ODAD4: variants seen among roughly 807,000 people sequenced by gnomAD.
The protein encoded by ODAD4 is outer dynein arm docking complex subunit 4, also known as outer dynein arm-docking complex subunit 4.
ODAD4 carries 49 observed loss-of-function variants against 51.8 expected under a neutral mutation model. The observed-to-expected ratio is 0.95, with a 90% CI of 0.75 to 1.20. The LOEUF is 1.20. Among genes scored for constraint, ODAD4 ranks in the 50% most tolerant of loss-of-function variants. ODAD4 has a pLI of 0.00. For missense variants in ODAD4, 590 were observed against 586.5 expected (o/e 1.01, Z -0.06); for synonymous variants, 235 against 221.3 (o/e 1.06, Z -0.55).
In ODAD4 at chr17:41,949,147, C is replaced by A. The variant is rs907966718; in HGVS notation, c.1146-6C>A. 1.2e-3 allele frequency: 492 copies of A among 398,426 alleles called. 4 individuals carry two copies. The highest frequency in any genetic ancestry group is 9.5e-3 in the African/African-American group (461 of 48,706). The allele number at this position is 398,426 out of a possible 1,614,324, so 24.7% of individuals were successfully genotyped here. A position where few individuals can be genotyped will look rare whatever the true frequency, so the allele number is the denominator to read the frequency against. ...TGAAGCTGACTCTGGTTCTTCATGT[C>A]CCCAGGTGGGAAGAAAAGATCCCTC... On this transcript the variant is annotated splice_polypyrimidine_tract_variant and splice_region_variant and intron_variant, in intron 8 of 11. Transcript: ENST00000377540.
At chr17:41,947,417 G>A (rs973665755) in intron 8 of ODAD4, among the ~76,000 whole-genome samples, 3,652 of 151,572 alleles carry the variant, frequency 0.024, 136 homozygotes, top group African/African-American at 0.083. Context: ...CCCAGGAGGC[G>A]AAGGTTGAAG....
rs782109178 is a variant in ODAD4 at position 41,936,760 on chromosome 17, A to G, written c.460-2A>G. ...CTGTTGGGTGTTGCTCCATTTTCTC[A>G]GAATATAAAAGCCCAGCAGAAGCCT... On this transcript the variant is annotated splice_acceptor_variant, in intron 4 of 11. Coordinates refer to ENST00000377540, the MANE Select transcript of ODAD4 (RefSeq NM_031421.5). LOFTEE classifies it high-confidence loss of function. 4 of 1,613,666 alleles carry G rather than the reference A, an allele frequency of 2.5e-6. No individual in the cohort carries two copies. The highest frequency in any genetic ancestry group is 1.3e-5 in the African/African-American group (1 of 74,868).
intron 8 of ODAD4, among the ~76,000 whole-genome samples, 180 bp from the exon 9 acceptor site, chr17:41,948,973 C>T (rs2050621573): frequency 6.6e-6 from 1 of 152,096 alleles, no homozygotes; most frequent in Non-Finnish European, 1.5e-5. Flanking sequence ...ATAGGTGTTA[C>T]CAAAATAGTC....
chr17:41,953,397 C>T (rs552907115), intron 9 of ODAD4, among the ~76,000 whole-genome samples: 25 of 151,852 alleles, frequency 1.6e-4, no homozygotes, highest in African/African-American at 6.0e-4. Flanking sequence ...AACACAAGGG[C>T]TTATTTTCCC....
intron 7 of ODAD4, among the ~76,000 whole-genome samples, chr17:41,942,782 G>A (rs558190424): frequency 8.1e-4 from 124 of 152,320 alleles, no homozygotes; most frequent in Non-Finnish European, 1.3e-3. Flanking sequence ...TGCAGGCAGT[G>A]GGAGGTCTGG....
chr17:41,935,895 G>A, intron 3 of ODAD4, 146 bp downstream of exon 3: 1 of 986,158 alleles, frequency 1.0e-6, no homozygotes, highest in Non-Finnish European at 1.5e-6. Flanking sequence ...CAGTGTTGTT[G>A]AGGATTAGCC....
intron 9 of ODAD4, among the ~76,000 whole-genome samples, chr17:41,951,038 A>G (rs2050644295): frequency 1.3e-5 from 2 of 150,280 alleles, no homozygotes; most frequent in South Asian, 2.1e-4. Flanking sequence ...AGTGATGGAA[A>G]TGTTCTAAAA....
chr17:41,949,739 C>T (rs1196906668), intron 9 of ODAD4, among the ~76,000 whole-genome samples: 1 of 152,152 alleles, frequency 6.6e-6, no homozygotes, highest in Non-Finnish European at 1.5e-5. Context: ...GTGGTGCGAT[C>T]TCGGCTCATT....
At chr17:41,935,862 C>A in intron 3 of ODAD4, 113 bp downstream of exon 3, 1 of 1,271,560 alleles carries the variant, frequency 7.9e-7, no homozygotes, top group Non-Finnish European at 1.1e-6. Context: ...CGCAGGGAGT[C>A]CTACACCTGG....
chr17:41,956,066 T>TTTG (rs2050727989), intron 10 of ODAD4, among the ~76,000 whole-genome samples: 1 of 149,754 alleles, frequency 6.7e-6, no homozygotes, highest in Admixed American at 6.7e-5. Flanking sequence ...TTTTTTTTTT[T>TTTG]GAGACTGAGT....
intron 6 of ODAD4, 34 bp downstream of exon 6, chr17:41,938,815 C>T (rs536196445): frequency 9.3e-6 from 15 of 1,604,442 alleles, no homozygotes; most frequent in South Asian, 2.2e-5. Flanking sequence ...GGGCAGGTGC[C>T]TCCAGTGCCT....
chr17:41,930,812 C>G lies in ODAD4; in HGVS notation c.89C>G (p.Ser30Cys). 6.5e-7 allele frequency: 1 copy of G among 1,548,546 alleles called. No individual in the cohort carries two copies. Among genetic ancestry groups the G allele is most frequent in the South Asian group, 1.1e-5 (1 of 88,324 alleles). ...CGGCTCTACCTGTGCGGGGAATTTT[C>G]TAAAGCCGCGCAGAGCTTCAGCAAC... ...GERLYLCGEF[S>C]KAAQSFSNAL... Residue 30 changes from serine (S) to cysteine (C), a missense_variant, in exon 1 of 12, where the codon TCT (serine) becomes TGT (cysteine). Ser to Cys is a moderately radical substitution (Grantham distance 112). This residue lies in a region of ODAD4 where 360 missense variants were observed against 407.5 expected (regional missense o/e 0.88). Transcript: ENST00000377540.
intron 9 of ODAD4, among the ~76,000 whole-genome samples, chr17:41,952,936 T>C (rs559446735): frequency 6.6e-6 from 1 of 151,352 alleles, no homozygotes; most frequent in Non-Finnish European, 1.5e-5. Context: ...GGGGTCTCCC[T>C]ATGTTGTCCA....
chr17:41,937,016 A>G (rs150512882), intron 5 of ODAD4, 89 bp downstream of exon 5: 10 of 1,444,534 alleles, frequency 6.9e-6, no homozygotes, highest in African/African-American at 4.2e-5. Context: ...AACCTGTCAT[A>G]TAATATTAGC....
chr17:41,939,161 C>A lies in ODAD4; in HGVS notation c.1047C>A (p.Ile349=). The change falls in exon 7 of 12, where the codon ATC becomes ATA. Residue 349 remains isoleucine (I), a synonymous_variant. Transcript: ENST00000377540. ...ALQSHRKDLE[I]AKEYDLPDAK... ...AGAGCCACAGAAAGGACCTGGAGAT[C>A]GCCAAGGAATAGTGAGTGCCCTAGG... 12 of 1,613,454 alleles carry A rather than the reference C, an allele frequency of 7.4e-6. No homozygotes were observed. Among genetic ancestry groups the A allele is most frequent in the South Asian group, 1.1e-5 (1 of 90,996 alleles).
chr17:41,960,447 C>CA (rs11343868), intron 10 of ODAD4, among the ~76,000 whole-genome samples: 12 of 151,072 alleles, frequency 7.9e-5, no homozygotes, highest in Admixed American at 2.6e-4. Context: ...GACTCTGTCT[C>CA]AAAAAAAAAA....
chr17:41,934,044 T>TTC (rs1555637355), intron 1 of ODAD4, among the ~76,000 whole-genome samples: 12 of 121,136 alleles, frequency 9.9e-5, no homozygotes, highest in Admixed American at 5.0e-4. Context: ...CTTTCTTTTT[T>TTC]TTTTTTTTTT....
At position 41,966,436 on chromosome 17, in the gene ODAD4, T is replaced by C. The variant is rs2050888658; in HGVS notation, c.*953T>C. On this transcript the variant is annotated 3_prime_UTR_variant, in exon 12 of 12. Transcript: ENST00000377540. Reference sequence around the variant, plus strand: ...TCCAATGTGGTAAAAAAAAAAGTTTTTAATTAATGCAAAAGTCCATGATGA... The same window carrying C: ...TCCAATGTGGTAAAAAAAAAAGTTTCTAATTAATGCAAAAGTCCATGATGA... Among the ~76,000 whole-genome samples the C allele has an allele frequency of 6.6e-6, 1 of 152,210 alleles. No homozygotes were observed. The highest frequency in any genetic ancestry group is 1.5e-5 in the Non-Finnish European group (1 of 68,030).
rs1555642354 is a variant in ODAD4 at position 41,965,114 on chromosome 17, G to A, written c.1650G>A (p.Glu550=). 1 of 772,716 alleles carries A rather than the reference G, an allele frequency of 1.3e-6. No individual in the cohort carries two copies. The highest frequency in any genetic ancestry group is 2.4e-6 in the Non-Finnish European group (1 of 414,286). 47.9% of individuals were successfully genotyped at this position (772,716 alleles called of 1,614,324 possible). ...GTGAGGATGAGAAAGAGACAGATGA[G>A]GACGATGAGGCTTTTGGGGAAGCTC... The part of the protein sequence containing the change: ...DHSEDEKETD[E]DDEAFGEALQ... The change falls in exon 12 of 12, where the codon GAG becomes GAA. Residue 550 remains glutamate, a synonymous_variant. Transcript: ENST00000377540.
Sources: allele counts gnomAD v4.1 joint callset (sites outside exome capture counted in the v4.1 genomes callset), GRCh38; gene constraint gnomAD v4.1.1; regional missense constraint gnomAD v4.1.1; transcripts MANE v1.5; gene names NCBI Gene and HGNC (gene_info 2026-07-23, HGNC 2026-07-21).